WIPF2: variants seen among roughly 807,000 people sequenced by gnomAD.
WIPF2 encodes the protein WAS/WASL-interacting protein family member 2.
A neutral mutation model predicts 38.8 loss-of-function variants in WIPF2; 23 were observed. The observed-to-expected ratio is 0.59, with a 90% CI of 0.43 to 0.84. The LOEUF is 0.84. Ranked by LOEUF, WIPF2 falls within the 40% of genes least tolerant of loss-of-function variation. The pLI is 0.00. For missense variants in WIPF2, 574 were observed against 580.5 expected (o/e 0.99, Z 0.11); for synonymous variants, 210 against 223.2 (o/e 0.94, Z 0.53).
intron 1 of WIPF2, among the ~76,000 whole-genome samples, chr17:40,229,397 G>A (rs557384756): frequency 1.2e-4 from 18 of 151,778 alleles, no homozygotes; most frequent in Admixed American, 6.6e-4. Flanking sequence ...GTGAGCCGCC[G>A]CACCTGGCCA....
intron 5 of WIPF2, among the ~76,000 whole-genome samples, chr17:40,271,869 C>T (rs957031153): frequency 2.6e-5 from 4 of 152,094 alleles, no homozygotes; most frequent in East Asian, 1.9e-4. Flanking sequence ...AAGACAAACA[C>T]GTTAGAATCT....
chr17:40,275,075 A>G (rs2032356349), intron 6 of WIPF2, among the ~76,000 whole-genome samples: 1 of 151,808 alleles, frequency 6.6e-6, no homozygotes, highest in South Asian at 2.1e-4. Context: ...CCCCATCTCT[A>G]CTAAAAATAT....
intron 1 of WIPF2, among the ~76,000 whole-genome samples, chr17:40,232,436 C>T (rs1322273063): frequency 6.6e-6 from 1 of 151,204 alleles, no homozygotes; most frequent in Non-Finnish European, 1.5e-5. Flanking sequence ...GCAGTCCACC[C>T]GCCTTGGCCT....
intron 3 of WIPF2, among the ~76,000 whole-genome samples, chr17:40,261,488 G>T (rs1014207842): frequency 6.7e-6 from 1 of 150,350 alleles, no homozygotes; most frequent in Admixed American, 6.6e-5. Context: ...TAGTAGAGAC[G>T]GGGTTTCACC....
At position 40,255,326 on chromosome 17, in the gene WIPF2, A is replaced by AT. The variant is rs570961073; in HGVS notation, c.-69-1052dup. Reference sequence around the variant, plus strand: ...CAATACAGGGAGCACCCATCTTTAAATTTTTTTTTTTTTGAGACAGAGTTT... The same window carrying AT: ...CAATACAGGGAGCACCCATCTTTAAATTTTTTTTTTTTTTGAGACAGAGTTT... On this transcript the variant is annotated intron_variant, in intron 1 of 7. Transcript: ENST00000323571. Among the ~76,000 whole-genome samples, 162 of 145,098 alleles carry AT rather than the reference A, an allele frequency of 1.1e-3. 1 individual carries two copies. The highest frequency in any genetic ancestry group is 0.011 in the South Asian group (51 of 4,592).
intron 3 of WIPF2, among the ~76,000 whole-genome samples, chr17:40,261,039 A>G (rs1221854700): frequency 6.7e-6 from 1 of 150,292 alleles, no homozygotes; most frequent in Non-Finnish European, 1.5e-5. Flanking sequence ...AAAAGGTAAA[A>G]AAAAAAAAAA....
chr17:40,279,476 C>G lies in WIPF2; in HGVS notation c.*1251C>G, dbSNP rs1192006834. On this transcript the variant is annotated 3_prime_UTR_variant, in exon 8 of 8. Transcript: ENST00000323571. Reference sequence around the variant, plus strand: ...GAAGATATTCAGATACTCTTCTATGCCAGGAAGCACAAAGACTTTGTTGAG... The same window carrying G: ...GAAGATATTCAGATACTCTTCTATGGCAGGAAGCACAAAGACTTTGTTGAG... The G allele has an allele frequency of 6.5e-6, 1 of 152,672 alleles. No homozygotes were observed. The highest frequency in any genetic ancestry group is 1.5e-5 in the Non-Finnish European group (1 of 68,082). The allele number at this position is 152,672 out of a possible 1,614,324, so 9.5% of individuals were successfully genotyped here.
At position 40,262,597 on chromosome 17, in the gene WIPF2, G is replaced by A; in HGVS notation, c.269G>A (p.Gly90Glu). The A allele has an allele frequency of 6.2e-7, 1 of 1,614,012 alleles. No homozygotes were observed. Among genetic ancestry groups the A allele is most frequent in the Non-Finnish European group, 8.5e-7 (1 of 1,179,914 alleles). ...ALQPKGGLFQ[G>E]GVLKLRPVGA... is the part of the protein sequence containing the mutation. Reference sequence around the variant, plus strand: ...CAGCCCAAGGGAGGTCTCTTCCAAGGAGGAGTGCTGAAGCTTCGACCTGTG... The same window carrying A: ...CAGCCCAAGGGAGGTCTCTTCCAAGAAGGAGTGCTGAAGCTTCGACCTGTG... Residue 90 changes from glycine to glutamate, a missense_variant, in exon 4 of 8, where the codon GGA becomes GAA. Physicochemically the swap from Gly to Glu is moderately conservative, Grantham distance 98. Coordinates refer to ENST00000323571, the MANE Select transcript of WIPF2 (RefSeq NM_133264.5).
intron 5 of WIPF2, among the ~76,000 whole-genome samples, chr17:40,272,928 G>T (rs1240419999): frequency 6.6e-6 from 1 of 152,162 alleles, no homozygotes; most frequent in Non-Finnish European, 1.5e-5. Flanking sequence ...TGCAGAGGAG[G>T]GCTCCTAACC....
chr17:40,222,642 G>T (rs1233892048), intron 1 of WIPF2, among the ~76,000 whole-genome samples: 1 of 115,002 alleles, frequency 8.7e-6, no homozygotes, highest in Admixed American at 9.3e-5. Context: ...GTTTTGATTT[G>T]ATGCATATTC....
At chr17:40,228,696 A>G (rs528077419) in intron 1 of WIPF2, among the ~76,000 whole-genome samples, 37 of 151,678 alleles carry the variant, frequency 2.4e-4, no homozygotes, top group Non-Finnish European at 4.6e-4. Context: ...TGGTGCAAAC[A>G]TGGTTCATTG....
intron 1 of WIPF2, among the ~76,000 whole-genome samples, chr17:40,243,137 A>T (rs536168304): frequency 1.6e-4 from 24 of 152,294 alleles, no homozygotes; most frequent in African/African-American, 5.8e-4. Context: ...GGAATAACCC[A>T]TAGTATCTAA....
Position 40,278,664 on chromosome 17 carries a change from T to C in WIPF2, c.*439T>C, listed in dbSNP as rs1460975217. On this transcript the variant is annotated 3_prime_UTR_variant, in exon 8 of 8. Transcript: ENST00000323571. ...AGGAGGCTGGCATGACCAGGACTTA[T>C]GGGTGGGAGGGGAGCATTTTTAGTG... is the stretch of plus-strand genomic sequence containing the variant. 1.3e-5 allele frequency: 2 copies of C among 159,770 alleles called. No individual in the cohort carries two copies. Among genetic ancestry groups the C allele is most frequent in the African/African-American group, 2.4e-5 (1 of 41,626 alleles). 9.9% of individuals were successfully genotyped at this position (159,770 alleles called of 1,614,324 possible).
Position 40,230,247 on chromosome 17 carries a change from G to A in WIPF2, c.-70+10755G>A, listed in dbSNP as rs562252076. ...CTAGCCGCTCAGGAGGCTGAGGGAG[G>A]AGGATCACTTGAGCCCCAGGAGAGG... is the stretch of plus-strand genomic sequence containing the variant. On this transcript the variant is annotated intron_variant, in intron 1 of 7. Coordinates refer to ENST00000323571, the MANE Select transcript of WIPF2 (RefSeq NM_133264.5). Among the ~76,000 whole-genome samples, 3 of 152,264 alleles carry A rather than the reference G, an allele frequency of 2.0e-5. No individual in the cohort carries two copies. The East Asian group carries it at 5.8e-4, about 29-fold the overall frequency.
At chr17:40,243,813 G>C (rs944735101) in intron 1 of WIPF2, among the ~76,000 whole-genome samples, 2 of 151,932 alleles carry the variant, frequency 1.3e-5, no homozygotes, top group African/African-American at 4.8e-5. Context: ...GAGCCACCAC[G>C]CCCGGCCCGA....
intron 6 of WIPF2, among the ~76,000 whole-genome samples, chr17:40,275,253 AAAAAAAAAC>A (rs1399347626): frequency 1.3e-5 from 2 of 151,682 alleles, no homozygotes; most frequent in African/African-American, 4.8e-5. Context: ...AAAAAAAAAA[AAAAAAAAAC>A]AAAACCCAAA....
intron 1 of WIPF2, chr17:40,219,910 G>C (rs571225006): frequency 6.5e-6 from 1 of 152,928 alleles, no homozygotes; most frequent in East Asian, 1.9e-4. Context: ...CTAATTAGCA[G>C]GATGCTGTGG....
At chr17:40,223,279 G>A (rs1417216382) in intron 1 of WIPF2, among the ~76,000 whole-genome samples, 5 of 151,980 alleles carry the variant, frequency 3.3e-5, no homozygotes, top group African/African-American at 1.2e-4. Flanking sequence ...AAGTAGCTGG[G>A]ATTACAGGCA....
chr17:40,264,961 C>T lies in WIPF2; in HGVS notation c.785C>T (p.Pro262Leu). The T allele has an allele frequency of 1.9e-6, 3 of 1,614,186 alleles. No homozygotes were observed. The highest frequency in any genetic ancestry group is 2.5e-6 in the Non-Finnish European group (3 of 1,180,024). ...PPPYRQPPGV[P>L]NGPSSPTNES... ...CCTTACCGCCAGCCTCCTGGGGTCC[C>T]CAATGGACCCTCTAGCCCCACTAAT... Residue 262 changes from proline to leucine, a missense_variant, in exon 5 of 8, where the codon CCC (proline) becomes CTC (leucine). Transcript: ENST00000323571.
Sources: gnomAD v4.1 joint callset for allele counts (sites outside exome capture counted in the v4.1 genomes callset) on GRCh38, gnomAD v4.1.1 for gene constraint, MANE v1.5 for transcripts, NCBI Gene and HGNC (gene_info 2026-07-23, HGNC 2026-07-21) for gene names.